SASH1: variants seen among roughly 807,000 people sequenced by gnomAD.
SASH1 encodes SAM and SH3 domain-containing protein 1.
In SASH1, 44 loss-of-function variants were observed where a neutral mutation model predicts 125.2. The observed-to-expected ratio is 0.35, with a 90% CI of 0.28 to 0.45. SASH1 has a LOEUF of 0.45. Among genes scored for constraint, SASH1 ranks in the 20% least tolerant of loss-of-function variants. The pLI is 1.00. For missense variants in SASH1, 1,426 were observed against 1,614.5 expected, an observed-to-expected ratio of 0.88 and a Z score of 2.00; for synonymous variants, 639 against 649.1, an observed-to-expected ratio of 0.98 and a Z score of 0.24.
chr6:148,438,844 G>A (rs374021814), intron 2 of SASH1, among the ~76,000 whole-genome samples: 12 of 151,138 alleles, frequency 7.9e-5, no homozygotes, highest in African/African-American at 2.9e-4. Context: ...CATGCACATT[G>A]TTGAGCAACA....
At chr6:148,516,535 G>GTCC in intron 9 of SASH1, among the ~76,000 whole-genome samples, 1 of 125,806 alleles carries the variant, frequency 7.9e-6, no homozygotes, top group South Asian at 2.4e-4. Flanking sequence ...CTTACAAAGG[G>GTCC]TTGATCCTTT....
chr6:148,259,181 A>G, the SASH1 span, among the ~76,000 whole-genome samples: 1 of 152,072 alleles, frequency 6.6e-6, no homozygotes, highest in Non-Finnish European at 1.5e-5. Context: ...GTTCCAGGAG[A>G]GCTTGGAATC....
intron 2 of SASH1, among the ~76,000 whole-genome samples, chr6:148,420,034 C>G (rs1414124216): frequency 6.6e-6 from 1 of 152,048 alleles, no homozygotes; most frequent in African/African-American, 2.4e-5. Flanking sequence ...TAATATAATA[C>G]AGTAAAAAAG....
chr6:148,374,894 G>T (rs556179582), intron 1 of SASH1, among the ~76,000 whole-genome samples: 2 of 152,042 alleles, frequency 1.3e-5, no homozygotes, highest in Non-Finnish European at 2.9e-5. Context: ...ACGGGGTTTC[G>T]CCATGTTGGC....
intron 1 of SASH1, among the ~76,000 whole-genome samples, chr6:148,289,242 A>G (rs1006833115): frequency 9.9e-5 from 15 of 152,124 alleles, no homozygotes; most frequent in Non-Finnish European, 1.6e-4. Context: ...ACTGAGAAGC[A>G]TTTTATACTT....
intron 1 of SASH1, among the ~76,000 whole-genome samples, chr6:148,331,687 C>T (rs1393172036): frequency 6.6e-6 from 1 of 152,076 alleles, no homozygotes; most frequent in Non-Finnish European, 1.5e-5. Context: ...TATTGCCTAT[C>T]AGAGTAGAAT....
chr6:148,456,510 A>C (rs1277946364), intron 4 of SASH1, among the ~76,000 whole-genome samples: 1 of 152,228 alleles, frequency 6.6e-6, no homozygotes, highest in Non-Finnish European at 1.5e-5. Context: ...AATTTTAATA[A>C]AGGAAATAGA....
intron 1 of SASH1, among the ~76,000 whole-genome samples, chr6:148,296,086 C>A (rs969404214): frequency 6.6e-6 from 1 of 151,790 alleles, no homozygotes; most frequent in African/African-American, 2.4e-5. Flanking sequence ...AAGCAAATTT[C>A]TATGGGATAT....
intron 2 of SASH1, among the ~76,000 whole-genome samples, chr6:148,439,539 G>A (rs926785303): frequency 1.1e-4 from 16 of 152,176 alleles, no homozygotes; most frequent in African/African-American, 3.9e-4. Context: ...AGCACTTTGG[G>A]AAGCTGAGGG....
At chr6:148,220,263 T>C in the SASH1 span, among the ~76,000 whole-genome samples, 1 of 152,114 alleles carries the variant, frequency 6.6e-6, no homozygotes, top group Non-Finnish European at 1.5e-5. Flanking sequence ...CAACTCTGTA[T>C]CCTCATATGG....
intron 2 of SASH1, among the ~76,000 whole-genome samples, chr6:148,416,161 GGA>G (rs766813688): frequency 1.2e-4 from 18 of 152,140 alleles, no homozygotes; most frequent in Non-Finnish European, 2.5e-4. Context: ...TCACCTATAT[GGA>G]CATGACATCT....
intron 8 of SASH1, chr6:148,509,162 C>G: frequency 5.9e-6 from 2 of 338,116 alleles, no homozygotes; most frequent in South Asian, 4.6e-5. Flanking sequence ...GGAGGCTTTT[C>G]CTGGGGAGGA....
intron 1 of SASH1, among the ~76,000 whole-genome samples, chr6:148,361,914 C>CTTTTT (rs745596285): frequency 4.8e-5 from 6 of 125,516 alleles, no homozygotes; most frequent in Admixed American, 8.6e-5. Flanking sequence ...TTTTCTTTTT[C>CTTTTT]TTTTTTTTTT....
chr6:148,337,256 T>C (rs4895750), intron 1 of SASH1, among the ~76,000 whole-genome samples: 92,996 of 144,632 alleles, frequency 0.64, 30,165 homozygotes, highest in East Asian at 0.8. Context: ...TGGAGTCTCG[T>C]TCTGTCACCC....
chr6:148,436,051 C>T (rs1776279563), intron 2 of SASH1, among the ~76,000 whole-genome samples: 1 of 152,166 alleles, frequency 6.6e-6, no homozygotes, highest in Non-Finnish European at 1.5e-5. Context: ...GGCCCATTTC[C>T]TTGGCAGTCA....
the SASH1 span, among the ~76,000 whole-genome samples, chr6:148,196,880 A>C: frequency 2.0e-5 from 3 of 148,858 alleles, no homozygotes; most frequent in East Asian, 3.9e-4. Context: ...AGAATTTGGA[A>C]AGGAGAGGGA....
intron 2 of SASH1, chr6:148,393,888 CTTTTTT>C (rs67180276): frequency 2.8e-5 from 3 of 108,782 alleles, no homozygotes; most frequent in Non-Finnish European, 3.6e-5. Context: ...CTCTCTCTCT[CTTTTTT>C]TTTTTTTTTT....
chr6:148,490,429 C>T (rs12192585), intron 8 of SASH1, among the ~76,000 whole-genome samples: 2,652 of 152,130 alleles, frequency 0.017, 32 homozygotes, highest in East Asian at 0.027. Flanking sequence ...AGGCTGGTCT[C>T]GAACTCCTGA....
chr6:148,218,282 A>G, the SASH1 span, among the ~76,000 whole-genome samples: 1 of 152,178 alleles, frequency 6.6e-6, no homozygotes, highest in South Asian at 2.1e-4. Flanking sequence ...GGAAGAGGAA[A>G]AAAGAACCAG....
Sources: allele counts gnomAD v4.1 joint callset (sites outside exome capture counted in the v4.1 genomes callset), GRCh38; gene constraint gnomAD v4.1.1; transcripts MANE v1.5; gene names NCBI Gene and HGNC (gene_info 2026-07-23, HGNC 2026-07-21).